Variants in FGF13 observed in about 807,000 individuals in gnomAD.
FGF13 encodes the protein fibroblast growth factor 13.
Under a neutral mutation model 19.5 loss-of-function variants are expected in FGF13, and 2 were observed. The observed-to-expected ratio is 0.10, with a 90% CI of 0.04 to 0.32. The LOEUF is 0.32. Among genes scored for constraint, FGF13 ranks in the 10% least tolerant of loss-of-function variants. The pLI, the probability that FGF13 is intolerant of heterozygous loss-of-function variation, is 1.00. For synonymous variants in FGF13, 72 were observed against 76.9 expected (o/e 0.94, Z 0.33); for missense variants, 113 against 192.7 (o/e 0.59, Z 2.45).
chrX:138,779,378 G>A (rs2090618654), intron 3 of FGF13, among the ~76,000 whole-genome samples: 1 of 111,473 alleles, frequency 9.0e-6, no homozygotes, highest in Non-Finnish European at 1.9e-5. Flanking sequence ...AGCTACGGAG[G>A]ATATTCAAAC....
intron 3 of FGF13, among the ~76,000 whole-genome samples, chrX:138,848,053 C>T (rs1223326614): frequency 8.9e-6 from 1 of 112,376 alleles, no homozygotes; most frequent in African/African-American, 3.2e-5. Context: ...CAAGCTGCAT[C>T]AGATTCTGAG....
intron 1 of FGF13, among the ~76,000 whole-genome samples, chrX:139,110,976 A>G (rs760583022): frequency 8.9e-6 from 1 of 111,757 alleles, no homozygotes; most frequent in South Asian, 3.8e-4. Context: ...GTGGTGGTCT[A>G]GGTTTCATTC....
intron 1 of FGF13, among the ~76,000 whole-genome samples, chrX:138,728,793 A>G (rs1336095717): frequency 9.0e-6 from 1 of 110,810 alleles, no homozygotes; most frequent in African/African-American, 3.3e-5. Flanking sequence ...AAAAAATATA[A>G]GAGAGAAAAC....
intron 3 of FGF13, chrX:138,807,001 T>A (rs1481013763): frequency 3.6e-5 from 4 of 110,965 alleles, no homozygotes; most frequent in African/African-American, 1.3e-4. Context: ...AAGCAGAATT[T>A]ACAAAAAGGT....
At chrX:138,664,318 A>T (rs1201546491) in intron 3 of FGF13, among the ~76,000 whole-genome samples, 1 of 111,961 alleles carries the variant, frequency 8.9e-6, no homozygotes, top group East Asian at 2.8e-4. Flanking sequence ...AGGCCATCTA[A>T]CATTTTGTTT....
intron 1 of FGF13, among the ~76,000 whole-genome samples, chrX:138,939,428 T>G (rs1171697344): frequency 8.9e-6 from 1 of 112,261 alleles, no homozygotes; most frequent in African/African-American, 3.2e-5. Flanking sequence ...ATTTTAACTT[T>G]TATTTTAGGT....
chrX:139,186,470 G>A (rs955351452), intron 1 of FGF13, among the ~76,000 whole-genome samples: 6 of 111,770 alleles, frequency 5.4e-5, no homozygotes, highest in African/African-American at 2.0e-4. Flanking sequence ...TGGACCCACC[G>A]CATCAGCTTT....
At chrX:139,037,843 A>C (rs1186135325) in intron 1 of FGF13, among the ~76,000 whole-genome samples, 1 of 112,234 alleles carries the variant, frequency 8.9e-6, no homozygotes, top group African/African-American at 3.2e-5. Flanking sequence ...TCTTCGGGGA[A>C]GGCATTATTC....
intron 3 of FGF13, among the ~76,000 whole-genome samples, chrX:138,657,839 T>G (rs1178992239): frequency 3.6e-5 from 4 of 112,296 alleles, no homozygotes; most frequent in African/African-American, 1.3e-4. Context: ...AATCACAATC[T>G]GAAATATGTC....
At chrX:138,764,312 T>C (rs1384682040) in intron 3 of FGF13, among the ~76,000 whole-genome samples, 1 of 112,309 alleles carries the variant, frequency 8.9e-6, no homozygotes, top group African/African-American at 3.2e-5. Flanking sequence ...ACATTCTATT[T>C]TTCTGCCCGA....
intron 3 of FGF13, among the ~76,000 whole-genome samples, chrX:138,659,721 T>C (rs1283513519): frequency 1.8e-5 from 2 of 112,004 alleles, no homozygotes; most frequent in Non-Finnish European, 3.8e-5. Context: ...TGGAATACTA[T>C]GCAGCCATAA....
intron 1 of FGF13, among the ~76,000 whole-genome samples, chrX:138,994,451 A>G (rs1046588348): frequency 1.8e-5 from 2 of 111,795 alleles, no homozygotes; most frequent in African/African-American, 6.5e-5. Context: ...AATTTTGTTG[A>G]TAGTCATTTT....
chrX:139,159,726 A>T (rs776307421), intron 1 of FGF13, among the ~76,000 whole-genome samples: 2 of 110,517 alleles, frequency 1.8e-5, no homozygotes, highest in African/African-American at 6.6e-5. Flanking sequence ...ACCAACAAAG[A>T]TCAAAAAAGA....
At chrX:138,644,071 G>T (rs1406630635) in intron 3 of FGF13, among the ~76,000 whole-genome samples, 1 of 111,529 alleles carries the variant, frequency 9.0e-6, no homozygotes, top group African/African-American at 3.3e-5. Context: ...TTAGTAGGTT[G>T]TGTCTTTTTA....
At chrX:138,777,089 T>C (rs2090593628) in intron 3 of FGF13, among the ~76,000 whole-genome samples, 1 of 111,882 alleles carries the variant, frequency 8.9e-6, no homozygotes, top group African/African-American at 3.3e-5. Flanking sequence ...CATTTCCTGA[T>C]CCCTGACAGA....
chrX:138,971,711 A>G (rs2091916966), intron 1 of FGF13, among the ~76,000 whole-genome samples: 1 of 111,801 alleles, frequency 8.9e-6, no homozygotes, highest in Admixed American at 9.5e-5. Flanking sequence ...CAAACAGGTG[A>G]TTTCTTTGTG....
chrX:138,666,807 T>A (rs961270403), intron 3 of FGF13, among the ~76,000 whole-genome samples: 3 of 110,981 alleles, frequency 2.7e-5, no homozygotes, highest in African/African-American at 9.8e-5. Flanking sequence ...CTAACACTTT[T>A]TTAAGAATTC....
intron 1 of FGF13, among the ~76,000 whole-genome samples, chrX:138,719,546 C>A (rs1387414969): frequency 8.9e-6 from 1 of 111,911 alleles, no homozygotes; most frequent in Non-Finnish European, 1.9e-5. Flanking sequence ...CACTACTTAG[C>A]AGAGACAAGA....
downstream of FGF13, among the ~76,000 whole-genome samples, chrX:138,853,577 C>T (rs1175940076): frequency 9.2e-6 from 1 of 108,603 alleles, no homozygotes; most frequent in Non-Finnish European, 1.9e-5. Context: ...AAAAAGGTTA[C>T]GAATGCCCTA....
Sources: gnomAD v4.1 joint callset for allele counts (sites outside exome capture counted in the v4.1 genomes callset) on GRCh38, gnomAD v4.1.1 for gene constraint, MANE v1.5 for transcripts, NCBI Gene and HGNC (gene_info 2026-07-23, HGNC 2026-07-21) for gene names.